ZNF536: variants seen among roughly 807,000 people sequenced by gnomAD.
ZNF536 encodes the protein zinc finger protein 536.
A neutral mutation model predicts 84.5 loss-of-function variants in ZNF536; 13 were observed. The observed-to-expected ratio is 0.15, with a 90% confidence interval of 0.10 to 0.24. ZNF536 has a LOEUF of 0.24. Ranked by LOEUF, ZNF536 falls within the 10% of genes least tolerant of loss-of-function variation. ZNF536 has a pLI of 1.00. For synonymous variants in ZNF536, 811 were observed against 742.5 expected (o/e 1.09, Z -1.50); for missense variants, 1,536 against 1,747.5 (o/e 0.88, Z 2.16).
Position 30,406,312 on chromosome 19 carries a change from G to A in ZNF536, c.-3+33756G>A, listed in dbSNP as rs145862788. 6.6e-4 allele frequency among the ~76,000 whole-genome samples: 100 copies of A among 152,248 alleles called. 1 individual carries two copies. Among genetic ancestry groups the A allele is most frequent in the African/African-American group, 2.0e-3 (82 of 41,546 alleles). On this transcript the variant is annotated intron_variant, in intron 1 of 4. Coordinates refer to ENST00000355537, the MANE Select transcript of ZNF536 (RefSeq NM_014717.3). Reference sequence around the variant, plus strand: ...GAAGAGGAGTGGGAGACGAGAGAGCGGAGTGTGGTTAAGGACTAGGAAAGG... The same window carrying A: ...GAAGAGGAGTGGGAGACGAGAGAGCAGAGTGTGGTTAAGGACTAGGAAAGG...
rs533246970 is a variant in ZNF536 at position 30,575,895 on chromosome 19, G to T, written c.169+26381G>T. Among the ~76,000 whole-genome samples, 7 of 152,272 alleles carry T rather than the reference G, an allele frequency of 4.6e-5. No individual in the cohort carries two copies. The South Asian group carries it at 8.3e-4, about 18-fold the overall frequency. On this transcript the variant is annotated intron_variant, in intron 1 of 1. Transcript: ENST00000592773. The stretch of plus-strand genomic sequence containing the variant: ...CTTTGGAGAGAGAATATGTAGAAGA[G>T]GGGGAGGGACGGGTCACAGAAATGG...
At chr19:30,656,105 G>A (rs1368887096) in intron 1 of ZNF536, among the ~76,000 whole-genome samples, 1 of 152,028 alleles carries the variant, frequency 6.6e-6, no homozygotes, top group African/African-American at 2.4e-5. Context: ...GCTCAAAAAT[G>A]AGGCAAGTTT....
intron 2 of ZNF536, among the ~76,000 whole-genome samples, chr19:30,294,927 A>G (rs1600110609): frequency 6.6e-6 from 1 of 152,162 alleles, no homozygotes; most frequent in Admixed American, 6.5e-5. Context: ...TCTGATGTCT[A>G]TCTGCAGTCC....
At chr19:30,353,633 G>C (rs555334580) in intron 3 of ZNF536, among the ~76,000 whole-genome samples, 28 of 152,272 alleles carry the variant, frequency 1.8e-4, no homozygotes, top group Non-Finnish European at 3.5e-4. Flanking sequence ...TGTTTGGCTA[G>C]TTCCTTCCAC....
chr19:30,615,256 T>C (rs1004278548), intron 1 of ZNF536, among the ~76,000 whole-genome samples: 2 of 152,108 alleles, frequency 1.3e-5, no homozygotes, highest in Non-Finnish European at 2.9e-5. Flanking sequence ...CAATTTTTGC[T>C]TTTAGATCCT....
At chr19:30,536,259 C>G (rs57602650) in intron 3 of ZNF536, among the ~76,000 whole-genome samples, 18,907 of 152,086 alleles carry the variant, frequency 0.12, 1,486 homozygotes, top group East Asian at 0.31. Flanking sequence ...AATGCCTGTT[C>G]CAGCTGCAGG....
chr19:30,264,067 T>C (rs951366043), intron 1 of ZNF536, among the ~76,000 whole-genome samples: 48 of 152,346 alleles, frequency 3.2e-4, no homozygotes, highest in African/African-American at 1.1e-3. Context: ...TTTGTCCATA[T>C]TTAATTCAAA....
intron 1 of ZNF536, among the ~76,000 whole-genome samples, chr19:30,598,955 T>C (rs112893060): frequency 0.031 from 992 of 32,060 alleles, 35 homozygotes; most frequent in African/African-American, 0.071. Context: ...CTTTCTTCCT[T>C]CCTTCCTCCT....
chr19:30,481,735 G>A (rs1213477225), intron 2 of ZNF536, among the ~76,000 whole-genome samples: 1 of 152,066 alleles, frequency 6.6e-6, no homozygotes, highest in Non-Finnish European at 1.5e-5. Flanking sequence ...TGGGTAAGTT[G>A]TTTAGTGGTG....
chr19:30,281,790 T>C (rs1045506189), intron 1 of ZNF536, among the ~76,000 whole-genome samples: 1 of 152,196 alleles, frequency 6.6e-6, no homozygotes, highest in Non-Finnish European at 1.5e-5. Flanking sequence ...ACTTAGTTCA[T>C]ACCATGCTTT....
rs2148148758 is a variant in ZNF536, at chr19:30,443,688, G to C, written c.126G>C (p.Gln42His). 1 of 1,613,888 alleles carries C rather than the reference G, an allele frequency of 6.2e-7. No individual in the cohort carries two copies. Among genetic ancestry groups the C allele is most frequent in the Non-Finnish European group, 8.5e-7 (1 of 1,179,984 alleles). ...AGAAGCTGCACCAGATCACCTCCCA[G>C]CTCAGCCATGCCTTCCCCGAGCTCC... is the stretch of plus-strand genomic sequence containing the variant. ...MSQKLHQITS[Q>H]LSHAFPELHP... The change falls in exon 2 of 5, where the codon CAG becomes CAC. Residue 42 changes from glutamine (Q) to histidine (H), a missense_variant. This residue lies in a region of ZNF536 where 161 missense variants were observed against 178.5 expected (regional missense o/e 0.90). Coordinates refer to ENST00000355537, the MANE Select transcript of ZNF536 (RefSeq NM_014717.3).
intron 1 of ZNF536, among the ~76,000 whole-genome samples, chr19:30,403,587 T>G (rs562294836): frequency 6.6e-6 from 1 of 152,314 alleles, no homozygotes; most frequent in African/African-American, 2.4e-5. Flanking sequence ...GGCTAGTGCA[T>G]GGAAACTAAA....
At position 30,444,568 on chromosome 19, in the gene ZNF536, G is replaced by T. The variant is rs2148189159; in HGVS notation, c.1006G>T (p.Gly336Cys). ...GTCGGCCCAGGGCCAGGGCCCCAAC[G>T]GCGGTGGCGAGCAGTCGGCCAACGA... ...AESAQGQGPNGGGEQSANEFR... is the reference protein window; with the variant it reads ...AESAQGQGPNCGGEQSANEFR... Residue 336 changes from glycine to cysteine, a missense_variant, in exon 2 of 5, where the codon GGC becomes TGC. Around this residue, in one of 8 missense-constraint regions of ZNF536, gnomAD observed 61 missense variants for 104.0 expected, o/e 0.59. Transcript: ENST00000355537. The T allele has an allele frequency of 6.2e-7, 1 of 1,613,646 alleles. No individual in the cohort carries two copies. Among genetic ancestry groups the T allele is most frequent in the Non-Finnish European group, 8.5e-7 (1 of 1,179,988 alleles).
chr19:30,537,421 T>C (rs1425364471), intron 3 of ZNF536, among the ~76,000 whole-genome samples: 1 of 152,122 alleles, frequency 6.6e-6, no homozygotes, highest in Non-Finnish European at 1.5e-5. Context: ...TGTCTTGTCT[T>C]GTGTATTTCA....
intron 1 of ZNF536, among the ~76,000 whole-genome samples, chr19:30,600,903 T>A (rs1170221586): frequency 6.6e-6 from 1 of 152,228 alleles, no homozygotes; most frequent in East Asian, 1.9e-4. Flanking sequence ...GTTCCGTTGA[T>A]TCCTGGAAAA....
intron 2 of ZNF536, among the ~76,000 whole-genome samples, chr19:30,490,372 A>T (rs1238031863): frequency 6.6e-6 from 1 of 152,144 alleles, no homozygotes; most frequent in African/African-American, 2.4e-5. Context: ...GAATATATAG[A>T]CCCTTTCATC....
intron 1 of ZNF536, among the ~76,000 whole-genome samples, chr19:30,442,780 C>T (rs1468359564): frequency 6.6e-6 from 1 of 152,194 alleles, no homozygotes; most frequent in East Asian, 1.9e-4. Flanking sequence ...TACTCGCAGT[C>T]TCCTTAAAAT....
At chr19:30,557,115 T>C (rs752169728) in intron 4 of ZNF536, 42 bp from the exon 5 acceptor site, 1 of 1,612,312 alleles carries the variant, frequency 6.2e-7, no homozygotes, top group South Asian at 1.1e-5. Flanking sequence ...CTAGCCCTGA[T>C]GGTTTCTGGA....
intron 1 of ZNF536, among the ~76,000 whole-genome samples, chr19:30,276,976 T>G (rs1303237558): frequency 6.6e-6 from 1 of 152,218 alleles, no homozygotes; most frequent in Non-Finnish European, 1.5e-5. Context: ...ACAGAGCTGA[T>G]GAGCCCAATC....
Sources: allele counts gnomAD v4.1 joint callset (sites outside exome capture counted in the v4.1 genomes callset), GRCh38; gene constraint gnomAD v4.1.1; regional missense constraint gnomAD v4.1.1; transcripts MANE v1.5; gene names NCBI Gene and HGNC (gene_info 2026-07-23, HGNC 2026-07-21).